LHPP: variants seen among roughly 807,000 people sequenced by gnomAD.
LHPP encodes the protein hLHPP.
Under a neutral mutation model 30.3 loss-of-function variants are expected in LHPP, and 24 were observed. The ratio of observed to expected loss-of-function variants is 0.79; its 90% CI spans 0.57 to 1.11. The LOEUF is 1.11. Among genes scored for constraint, LHPP ranks in the 50% most tolerant of loss-of-function variants. LHPP has a pLI of 0.00. For synonymous variants in LHPP, 150 were observed against 157.1 expected (o/e 0.95, Z 0.34); for missense variants, 356 against 367.2 (o/e 0.97, Z 0.25).
At chr10:124,548,161 C>T (rs529944220) in intron 6 of LHPP, among the ~76,000 whole-genome samples, 1 of 150,336 alleles carries the variant, frequency 6.7e-6, no homozygotes, top group African/African-American at 2.5e-5. Context: ...ATCCAGCCAG[C>T]CTTGGAGCTG....
intron 6 of LHPP, among the ~76,000 whole-genome samples, chr10:124,531,564 G>A (rs544994893): frequency 1.3e-5 from 2 of 152,294 alleles, no homozygotes; most frequent in South Asian, 2.1e-4. Context: ...CCCTGTCCTC[G>A]CCTCAGTTCT....
At chr10:124,482,438 C>G (rs1046171497) in intron 1 of LHPP, among the ~76,000 whole-genome samples, 2 of 152,168 alleles carry the variant, frequency 1.3e-5, no homozygotes, top group Non-Finnish European at 2.9e-5. Flanking sequence ...ATTAATTTTA[C>G]TAGGGTTTCT....
intron 5 of LHPP, among the ~76,000 whole-genome samples, chr10:124,512,812 G>A (rs962527526): frequency 6.6e-6 from 1 of 152,042 alleles, no homozygotes; most frequent in Non-Finnish European, 1.5e-5. Flanking sequence ...CTAGCTCAGC[G>A]TGAGACAGGA....
intron 6 of LHPP, among the ~76,000 whole-genome samples, chr10:124,589,187 T>C (rs1420722425): frequency 6.6e-6 from 1 of 152,224 alleles, no homozygotes; most frequent in Non-Finnish European, 1.5e-5. Flanking sequence ...CGTGCAGAAA[T>C]GTCAGGAGCC....
At chr10:124,606,370 C>T (rs895142499) in intron 6 of LHPP, among the ~76,000 whole-genome samples, 33 of 152,226 alleles carry the variant, frequency 2.2e-4, no homozygotes, top group African/African-American at 7.2e-4. Context: ...AGTCCTGCCC[C>T]ACTCCCTCTC....
chr10:124,545,752 T>A (rs982212410), intron 6 of LHPP, among the ~76,000 whole-genome samples: 5 of 152,234 alleles, frequency 3.3e-5, no homozygotes, highest in Admixed American at 6.5e-5. Flanking sequence ...TTGATTTTTT[T>A]AATCTTTCCC....
At chr10:124,513,098 G>GTT (rs1954349738) in intron 5 of LHPP, among the ~76,000 whole-genome samples, 2 of 152,104 alleles carry the variant, frequency 1.3e-5, no homozygotes, top group Non-Finnish European at 2.9e-5. Flanking sequence ...TTGTTTGTTT[G>GTT]TTTGTTTTAA....
Position 124,496,884 on chromosome 10 carries a change from CTCAGCTCCCGATACTTAGCATCCTGCGG to C in LHPP, c.468-67_468-40del. On this transcript the variant is annotated intron_variant, in intron 3 of 6. Coordinates refer to ENST00000368842, the MANE Select transcript of LHPP (RefSeq NM_022126.4). This position sits in a 1 kb window ranked among gnomAD's most constrained non-coding sequence, Gnocchi z 4.3. ...TGCAGCCAGCGGGACAGGCCCGGTG[CTCAGCTCCCGATACTTAGCATCCTGCGG>C]TCAGCTCCCCGTGCTCAGCATCCCG... The C allele has an allele frequency of 2.2e-6, 3 of 1,373,926 alleles. No individual in the cohort carries two copies. The highest frequency in any genetic ancestry group is 2.0e-6 in the Non-Finnish European group (2 of 978,974). The allele number at this position is 1,373,926 out of a possible 1,614,324, so 85.1% of individuals were successfully genotyped here. A position where few individuals can be genotyped will look rare whatever the true frequency, so the allele number is the denominator to read the frequency against.
At chr10:124,498,696 C>T in intron 5 of LHPP, 1 of 451,958 alleles carries the variant, frequency 2.2e-6, no homozygotes, top group Middle Eastern at 6.5e-4. Flanking sequence ...CCAATGTCTC[C>T]ATTTGTCACC....
chr10:124,500,540 C>A (rs775645989), intron 5 of LHPP, among the ~76,000 whole-genome samples: 4 of 151,786 alleles, frequency 2.6e-5, no homozygotes, highest in Non-Finnish European at 5.9e-5. Flanking sequence ...TAAAGCAAAT[C>A]TCAATTGTAT....
At chr10:124,514,602 T>C (rs971950182) in intron 5 of LHPP, among the ~76,000 whole-genome samples, 19 of 152,356 alleles carry the variant, frequency 1.2e-4, no homozygotes, top group Non-Finnish European at 2.5e-4. Flanking sequence ...TTTGTCTGAC[T>C]GTTTTATAAG....
intron 6 of LHPP, among the ~76,000 whole-genome samples, chr10:124,529,811 A>ACGCG (rs1042058297): frequency 2.1e-5 from 2 of 97,064 alleles, no homozygotes; most frequent in South Asian, 4.3e-4. Context: ...ACACACACAC[A>ACGCG]CGCACACACA....
chr10:124,588,696 A>G (rs912806562), intron 6 of LHPP, among the ~76,000 whole-genome samples: 2 of 151,992 alleles, frequency 1.3e-5, no homozygotes, highest in Admixed American at 6.5e-5. Flanking sequence ...AAATATCCAT[A>G]TTGATGGATC....
At chr10:124,611,481 C>G (rs1042502153) in intron 6 of LHPP, among the ~76,000 whole-genome samples, 4 of 151,968 alleles carry the variant, frequency 2.6e-5, no homozygotes, top group African/African-American at 9.7e-5. Flanking sequence ...TAGCCCCATA[C>G]AAGCAGGTGG....
intron 2 of LHPP, 122 bp downstream of exon 2, chr10:124,484,448 A>G: frequency 3.2e-6 from 3 of 945,770 alleles, no homozygotes; most frequent in East Asian, 2.6e-5. Context: ...ACCAACACTC[A>G]TGGGTTGGGG....
rs966004347 is a variant in LHPP, at chr10:124,561,533, C to A, written c.716+44262C>A. ...AGAGGTTACAAGGCTATCCGCCCCC[C>A]CCACAACAGTGACAATGGAGCCCGC... On this transcript the variant is annotated intron_variant, in intron 6 of 6. Coordinates refer to ENST00000368842, the MANE Select transcript of LHPP (RefSeq NM_022126.4). Among the ~76,000 whole-genome samples the A allele has an allele frequency of 3.3e-5, 5 of 152,012 alleles. No homozygotes were observed. In the East Asian group the frequency reaches 7.7e-4, roughly 24 times the overall value.
intron 6 of LHPP, among the ~76,000 whole-genome samples, chr10:124,578,303 C>T (rs1223074836): frequency 2.6e-5 from 4 of 152,356 alleles, no homozygotes; most frequent in South Asian, 2.1e-4. Context: ...CCCGTGACCA[C>T]CTCAGGGGCG....
At chr10:124,560,381 T>C (rs976896717) in intron 6 of LHPP, among the ~76,000 whole-genome samples, 3 of 152,240 alleles carry the variant, frequency 2.0e-5, no homozygotes, top group Non-Finnish European at 4.4e-5. Flanking sequence ...GATTGTGTTT[T>C]ATGTACAATT....
At chr10:124,483,601 C>T (rs565177876) in intron 1 of LHPP, among the ~76,000 whole-genome samples, 155 of 152,098 alleles carry the variant, frequency 1.0e-3, no homozygotes, top group African/African-American at 3.6e-3. Context: ...ACTAAAAATA[C>T]AAAAAATTAG....
Sources: allele counts gnomAD v4.1 joint callset (sites outside exome capture counted in the v4.1 genomes callset), GRCh38; gene constraint gnomAD v4.1.1; non-coding constraint Gnocchi (gnomAD v3.1); transcripts MANE v1.5; gene names NCBI Gene and HGNC (gene_info 2026-07-23, HGNC 2026-07-21).